The following DNAJC10 variants were observed in gnomAD, a reference collection of about 807,000 sequenced individuals.
The protein encoded by DNAJC10 is endoplasmic reticulum disulfide reductase DNAJC10.
Under a neutral mutation model 115.0 loss-of-function variants are expected in DNAJC10, and 101 were observed. That is an observed-to-expected ratio of 0.88 (90% CI 0.75 to 1.04). The LOEUF is 1.04. Among genes scored for constraint, DNAJC10 ranks in the 50% least tolerant of loss-of-function variants. DNAJC10 has a pLI of 0.00. For missense variants in DNAJC10, 981 were observed against 928.8 expected (o/e 1.06, Z -0.73); for synonymous variants, 307 against 301.5 (o/e 1.02, Z -0.19).
intron 22 of DNAJC10, among the ~76,000 whole-genome samples, chr2:182,773,086 C>T (rs1376540139): frequency 1.3e-5 from 2 of 152,152 alleles, no homozygotes; most frequent in African/African-American, 4.8e-5. Flanking sequence ...ATTTCTCCTT[C>T]ACTTATGAAG....
chr2:182,734,016 C>G (rs1167392387), intron 10 of DNAJC10, among the ~76,000 whole-genome samples: 1 of 148,322 alleles, frequency 6.7e-6, no homozygotes, highest in Non-Finnish European at 1.5e-5. Flanking sequence ...TGTTTTTATT[C>G]TTATTCTGTC....
chr2:182,729,840 AC>A lies in DNAJC10; in HGVS notation c.634-6del. 6.4e-7 allele frequency: 1 copy of A among 1,557,122 alleles called. No individual in the cohort carries two copies. Among genetic ancestry groups the A allele is most frequent in the African/African-American group, 1.4e-5 (1 of 71,686 alleles). On this transcript the variant is annotated splice_region_variant and splice_polypyrimidine_tract_variant and intron_variant, in intron 7 of 23. Transcript: ENST00000264065. Reference sequence around the variant, plus strand: ...AAAAGATGTTTCTCTTCTTACAAAAACCAATAGGCCCCAGTGAAATATCATG... The same window carrying A: ...AAAAGATGTTTCTCTTCTTACAAAAACAATAGGCCCCAGTGAAATATCATG...
At chr2:182,739,919 C>T (rs776588462) in intron 11 of DNAJC10, 134 of 985,266 alleles carry the variant, frequency 1.4e-4, no homozygotes, top group South Asian at 9.1e-5. Context: ...AAAACATTGG[C>T]ATTCTGTAAA....
intron 13 of DNAJC10, among the ~76,000 whole-genome samples, chr2:182,743,288 G>A (rs1693781711): frequency 6.6e-6 from 1 of 152,110 alleles, no homozygotes; most frequent in Non-Finnish European, 1.5e-5. Flanking sequence ...TTCTGAAAGT[G>A]ATCTCTCCTC....
intron 5 of DNAJC10, among the ~76,000 whole-genome samples, chr2:182,727,635 ACT>A (rs1693325101): frequency 2.0e-5 from 3 of 152,318 alleles, no homozygotes; most frequent in Admixed American, 1.3e-4. Context: ...GTAGGTGAAC[ACT>A]GAGTCCTGCA....
In DNAJC10 at chr2:182,775,041, G is replaced by A. The variant is rs370992159; in HGVS notation, c.2266-275G>A. On this transcript the variant is annotated intron_variant, in intron 22 of 23. Coordinates refer to ENST00000264065, the MANE Select transcript of DNAJC10 (RefSeq NM_018981.4). ...GGAACATCTGTTCTTGCACAGTTTC[G>A]ATGTTTTGAGGCTTTTGGAGTCAGT... Among the ~76,000 whole-genome samples, 58 of 148,718 alleles carry A rather than the reference G, an allele frequency of 3.9e-4. 1 individual carries two copies. In the South Asian group the frequency reaches 0.012, roughly 30 times the overall value.
rs16823696 is a variant in DNAJC10, at chr2:182,786,657, C to T, written c.*9525C>T. On this transcript the variant is annotated 3_prime_UTR_variant, in exon 24 of 24. Transcript: ENST00000264065. ...TACGCAGCTTTGAATAGCCTTCCAC[C>T]CTTGTGTCCTTCAAACCCCATTCTT... 2,330 of 152,416 alleles carry T rather than the reference C, an allele frequency of 0.015. 18 individuals carry two copies. The highest frequency in any genetic ancestry group is 0.054 in the Middle Eastern group (16 of 296). 9.4% of individuals were successfully genotyped at this position (152,416 alleles called of 1,614,324 possible). A position where few individuals can be genotyped will look rare whatever the true frequency, so the allele number is the denominator to read the frequency against.
At chr2:182,745,513 TACTA>T (rs1245044075) in intron 14 of DNAJC10, among the ~76,000 whole-genome samples, 1 of 152,220 alleles carries the variant, frequency 6.6e-6, no homozygotes, top group East Asian at 1.9e-4. Context: ...TATGTGCTCT[TACTA>T]ACTTTGTAAT....
chr2:182,723,480 T>C (rs571444538), intron 5 of DNAJC10, among the ~76,000 whole-genome samples: 2 of 152,342 alleles, frequency 1.3e-5, no homozygotes, highest in South Asian at 4.1e-4. Context: ...AGAAAATACA[T>C]CTTTCCTGTG....
chr2:182,771,134 C>T lies in DNAJC10; in HGVS notation c.2266-4182C>T, dbSNP rs192017014. ...TATTGATTTGCATATGTTGAACCAG[C>T]CTTGCATCCCAGGGATGAAGCTGAC... is the stretch of plus-strand genomic sequence containing the variant. On this transcript the variant is annotated intron_variant, in intron 22 of 23. Coordinates refer to ENST00000264065, the MANE Select transcript of DNAJC10 (RefSeq NM_018981.4). Among the ~76,000 whole-genome samples the T allele has an allele frequency of 4.6e-3, 699 of 152,046 alleles. 2 individuals are homozygous for T. Among genetic ancestry groups the T allele is most frequent in the Non-Finnish European group, 7.8e-3 (530 of 67,982 alleles).
intron 5 of DNAJC10, among the ~76,000 whole-genome samples, chr2:182,727,691 C>A (rs1471541365): frequency 6.6e-6 from 1 of 152,040 alleles, no homozygotes; most frequent in Non-Finnish European, 1.5e-5. Flanking sequence ...ATTTAGAATA[C>A]CATGTGTGAT....
intron 21 of DNAJC10, among the ~76,000 whole-genome samples, chr2:182,760,203 GTCATCTGTATTTTT>G (rs1694255545): frequency 1.3e-5 from 2 of 152,092 alleles, no homozygotes; most frequent in South Asian, 4.2e-4. Flanking sequence ...CCTTACCTTG[GTCATCTGTATTTTT>G]TCTCCTCTTA....
chr2:182,738,785 C>A (rs574708250), intron 11 of DNAJC10, among the ~76,000 whole-genome samples: 1 of 152,086 alleles, frequency 6.6e-6, no homozygotes, highest in African/African-American at 2.4e-5. Flanking sequence ...TGTGATCTGC[C>A]GGCCTCGGCC....
rs762828001 is a variant in DNAJC10, at chr2:182,759,231, A to G, written c.2069A>G (p.His690Arg). The change falls in exon 21 of 24, where the codon CAT (histidine) becomes CGT (arginine). Residue 690 changes from histidine (H) to arginine (R), a missense_variant. By Grantham distance (29) the His-to-Arg change is conservative (BLOSUM62 0). Transcript: ENST00000264065. Reference protein sequence around the residue: ...FSEKVLQGKNHWVIDFYAPWC... With the variant: ...FSEKVLQGKNRWVIDFYAPWC... ...GAAAAAGTTCTACAAGGGAAAAATCATTGGGTGATTGATTTCTATGCTCCT... is the reference window on the plus strand; with the variant it reads ...GAAAAAGTTCTACAAGGGAAAAATCGTTGGGTGATTGATTTCTATGCTCCT... 6.2e-7 allele frequency: 1 copy of G among 1,610,976 alleles called. No individual in the cohort carries two copies. The highest frequency in any genetic ancestry group is 8.5e-7 in the Non-Finnish European group (1 of 1,179,330).
chr2:182,720,834 G>A (rs560755822), intron 4 of DNAJC10, among the ~76,000 whole-genome samples: 2 of 152,074 alleles, frequency 1.3e-5, no homozygotes, highest in Non-Finnish European at 2.9e-5. Context: ...CAAGAAAGGC[G>A]AAACTTCAAG....
intron 16 of DNAJC10, among the ~76,000 whole-genome samples, chr2:182,754,205 G>A (rs559354616): frequency 2.0e-5 from 3 of 152,238 alleles, no homozygotes; most frequent in African/African-American, 7.2e-5. Context: ...TTGTTAATCA[G>A]TGAATTATTT....
chr2:182,790,896 A>T lies in DNAJC10; in HGVS notation c.*13764A>T, dbSNP rs1695037687. On this transcript the variant is annotated 3_prime_UTR_variant, in exon 24 of 24. Coordinates refer to ENST00000264065, the MANE Select transcript of DNAJC10 (RefSeq NM_018981.4). Reference sequence around the variant, plus strand: ...GCCTACTAAGCTGACTTATTTTCTGACTTTTCCTTTGCTTTATTCTCTTAT... The same window carrying T: ...GCCTACTAAGCTGACTTATTTTCTGTCTTTTCCTTTGCTTTATTCTCTTAT... 1 of 151,828 alleles carries T rather than the reference A, an allele frequency of 6.6e-6. No homozygotes were observed. Among genetic ancestry groups the T allele is most frequent in the Admixed American group, 6.6e-5 (1 of 15,230 alleles). The allele number at this position is 151,828 out of a possible 1,614,324, so 9.4% of individuals were successfully genotyped here.
rs1319812503 is a variant in DNAJC10, at chr2:182,789,824, C to T, written c.*12692C>T. 3 of 152,186 alleles carry T rather than the reference C, an allele frequency of 2.0e-5. No individual in the cohort carries two copies. Among genetic ancestry groups the T allele is most frequent in the Non-Finnish European group, 4.4e-5 (3 of 68,038 alleles). 9.4% of individuals were successfully genotyped at this position (152,186 alleles called of 1,614,324 possible). ...AAGAGTTCTGATTTTTCCACATCCT[C>T]ACCAACACTCATTTTTTTTAAATAG... On this transcript the variant is annotated 3_prime_UTR_variant, in exon 24 of 24. Coordinates refer to ENST00000264065, the MANE Select transcript of DNAJC10 (RefSeq NM_018981.4).
intron 14 of DNAJC10, among the ~76,000 whole-genome samples, chr2:182,747,534 T>C (rs907319855): frequency 3.3e-4 from 50 of 151,768 alleles, no homozygotes; most frequent in African/African-American, 1.2e-3. Context: ...TCTGTTTGTC[T>C]GTTGTTGGTG....
Sources: allele counts gnomAD v4.1 joint callset (sites outside exome capture counted in the v4.1 genomes callset), GRCh38; gene constraint gnomAD v4.1.1; transcripts MANE v1.5; gene names NCBI Gene and HGNC (gene_info 2026-07-23, HGNC 2026-07-21).